Variants in CFAP43 observed in about 807,000 individuals in gnomAD.
CFAP43 encodes the protein cilia and flagella associated protein 43, also known as cilia- and flagella-associated protein 43.
CFAP43 carries 155 observed loss-of-function variants against 218.9 expected under a neutral mutation model. That is an observed-to-expected ratio of 0.71 (90% CI 0.62 to 0.81). The LOEUF is 0.81. CFAP43 is among the 30% of genes least tolerant of loss of function. The pLI is 0.00. For missense variants in CFAP43, 1,778 were observed against 1,954.3 expected (o/e 0.91, Z 1.70); for synonymous variants, 645 against 681.3 (o/e 0.95, Z 0.83).
At chr10:104,179,155 CAGAGAGAG>C (rs60561340) in intron 18 of CFAP43, 49 bp from the exon 19 acceptor site, 340 of 1,066,018 alleles carry the variant, frequency 3.2e-4, no homozygotes, top group Non-Finnish European at 3.9e-4. Context: ...AAATATCAGA[CAGAGAGAG>C]AGAGAGAGAG....
At chr10:104,145,009 A>G (rs1389467060) in intron 31 of CFAP43, among the ~76,000 whole-genome samples, 1 of 152,224 alleles carries the variant, frequency 6.6e-6, no homozygotes, top group African/African-American at 2.4e-5. Flanking sequence ...GGCCAATAAT[A>G]CATTCTGCAG....
chr10:104,216,989 C>G lies in CFAP43; in HGVS notation c.417-2563G>C, dbSNP rs191778868. Among the ~76,000 whole-genome samples the G allele has an allele frequency of 4.7e-4, 71 of 152,348 alleles. 1 individual carries two copies. Among genetic ancestry groups the G allele is most frequent in the Non-Finnish European group, 9.4e-4 (64 of 68,032 alleles). Reference sequence around the variant, plus strand: ...CATTGATATTCCTCAAGGTTCCACCCTAGGCTCTTCTTGAGGTGTTCTTAC... The same window carrying G: ...CATTGATATTCCTCAAGGTTCCACCGTAGGCTCTTCTTGAGGTGTTCTTAC... On this transcript the variant is annotated intron_variant, in intron 3 of 37. Transcript: ENST00000357060.
At position 104,187,641 on chromosome 10, in the gene CFAP43, A is replaced by G. The variant is rs1589736168; in HGVS notation, c.1688-149T>C. On this transcript the variant is annotated intron_variant, in intron 13 of 37. Transcript: ENST00000357060. ...AGTAGGTGATAAAAATGATTTAAAA[A>G]CACTTGTCTCCCTAGAAATACTTGA... is the stretch of plus-strand genomic sequence containing the variant. 4.7e-6 allele frequency: 3 copies of G among 633,830 alleles called. No homozygotes were observed. The East Asian group carries it at 9.5e-5, about 20-fold the overall frequency. The allele number at this position is 633,830 out of a possible 1,614,324, so 39.3% of individuals were successfully genotyped here. A position where few individuals can be genotyped will look rare whatever the true frequency, so the allele number is the denominator to read the frequency against.
At chr10:104,180,238 A>G (rs1421796232) in intron 17 of CFAP43, among the ~76,000 whole-genome samples, 2 of 152,152 alleles carry the variant, frequency 1.3e-5, no homozygotes, top group African/African-American at 4.8e-5. Context: ...GGCCTGTGCC[A>G]CCATCTATGC....
chr10:104,191,989 T>G (rs891920444), intron 12 of CFAP43, among the ~76,000 whole-genome samples: 8 of 152,190 alleles, frequency 5.3e-5, no homozygotes, highest in African/African-American at 9.7e-5. Flanking sequence ...TAGCACCAAC[T>G]ATGTACCAAG....
rs766429215 is a variant in CFAP43, at chr10:104,133,705, T to A, written c.4511A>T (p.His1504Leu). ...HKRILQIEWE[H>L]KKMEMEREDL... is the part of the protein sequence containing the mutation. Reference sequence around the variant, plus strand: ...TTCCCTTTCCATCTCCATTTTCTTATGTTCCCACTCAATCTGAAGTATTCT... The same window carrying A: ...TTCCCTTTCCATCTCCATTTTCTTAAGTTCCCACTCAATCTGAAGTATTCT... Residue 1504 changes from histidine (H) to leucine (L), a missense_variant, in exon 35 of 38, where the codon CAT (histidine) becomes CTT (leucine). Around this residue, in one of 3 missense-constraint regions of CFAP43, gnomAD observed 211 missense variants for 230.6 expected, o/e 0.91. Transcript: ENST00000357060. 1 of 1,613,898 alleles carries A rather than the reference T, an allele frequency of 6.2e-7. No individual in the cohort carries two copies. The highest frequency in any genetic ancestry group is 8.5e-7 in the Non-Finnish European group (1 of 1,179,900).
intron 12 of CFAP43, among the ~76,000 whole-genome samples, chr10:104,191,749 A>T (rs1467391958): frequency 1.3e-5 from 2 of 148,784 alleles, no homozygotes; most frequent in African/African-American, 5.0e-5. Flanking sequence ...AGCAAAAAAA[A>T]AATTTTTTTT....
chr10:104,160,579 A>G lies in CFAP43; in HGVS notation c.3540+458T>C, dbSNP rs929360011. 6.6e-4 allele frequency among the ~76,000 whole-genome samples: 100 copies of G among 152,194 alleles called. 4 individuals are homozygous for G. Among genetic ancestry groups the G allele is most frequent in the Non-Finnish European group, 7.3e-5 (5 of 68,030 alleles). On this transcript the variant is annotated intron_variant, in intron 27 of 37. Transcript: ENST00000357060. ...AAAGTAGCAGAACTGCACTGTAAAA[A>G]CCTTGAATTTGAGTTGTAAATAATG...
chr10:104,201,163 T>A (rs1034305292), intron 8 of CFAP43, among the ~76,000 whole-genome samples: 2 of 152,218 alleles, frequency 1.3e-5, no homozygotes, highest in Non-Finnish European at 2.9e-5. Context: ...ATACATATTT[T>A]AAGTATTCAT....
chr10:104,162,334 G>A lies in CFAP43; in HGVS notation c.3316C>T (p.His1106Tyr). The change falls in exon 25 of 38, where the codon CAC becomes TAC. Residue 1106 changes from histidine (H) to tyrosine (Y), a missense_variant. His to Tyr is a moderately conservative substitution (Grantham distance 83). Around this residue, in one of 3 missense-constraint regions of CFAP43, gnomAD observed 1,553 missense variants for 1,685.2 expected, o/e 0.92. Coordinates refer to ENST00000357060, the MANE Select transcript of CFAP43 (RefSeq NM_025145.7). The part of the protein sequence containing the change: ...KELIVNHEKE[H>Y]WLLIQDASTR... ...CTACATGCCTGTATCAGAAGCCAGT[G>A]CTCCTTTTCATGATTCACGATCAAT... 6.2e-7 allele frequency: 1 copy of A among 1,614,062 alleles called. No homozygotes were observed. The highest frequency in any genetic ancestry group is 8.5e-7 in the Non-Finnish European group (1 of 1,179,912).
intron 17 of CFAP43, among the ~76,000 whole-genome samples, chr10:104,181,674 C>T (rs1440946204): frequency 6.6e-6 from 1 of 152,164 alleles, no homozygotes; most frequent in Non-Finnish European, 1.5e-5. Flanking sequence ...ATACCACACG[C>T]CAAGCTCTTT....
At chr10:104,184,851 C>T (rs2089979446) in intron 16 of CFAP43, 165 bp downstream of exon 16, 3 of 766,488 alleles carry the variant, frequency 3.9e-6, no homozygotes, top group South Asian at 5.9e-5. Context: ...ATGTGGTACC[C>T]GAGAATGCAG....
chr10:104,139,199 A>C (rs183758926), intron 34 of CFAP43, among the ~76,000 whole-genome samples: 4 of 152,372 alleles, frequency 2.6e-5, no homozygotes, highest in Admixed American at 2.6e-4. Flanking sequence ...AGAGTGAAAA[A>C]CAATGAGTAT....
At chr10:104,183,398 T>G (rs1195318088) in intron 16 of CFAP43, among the ~76,000 whole-genome samples, 1 of 151,742 alleles carries the variant, frequency 6.6e-6, no homozygotes, top group East Asian at 1.9e-4. Flanking sequence ...TTTTTTTTTT[T>G]TTGAGACGGA....
At chr10:104,198,549 G>A (rs2090441283) in intron 8 of CFAP43, among the ~76,000 whole-genome samples, 2 of 152,110 alleles carry the variant, frequency 1.3e-5, no homozygotes, top group African/African-American at 4.8e-5. Context: ...CCAAAGTGCT[G>A]GTATGACAGG....
chr10:104,181,214 A>C (rs972473330), intron 17 of CFAP43, among the ~76,000 whole-genome samples: 1 of 152,126 alleles, frequency 6.6e-6, no homozygotes, highest in African/African-American at 2.4e-5. Flanking sequence ...TAAATGTTCA[A>C]GTAAAACAAT....
At chr10:104,183,475 C>T (rs1231872479) in intron 16 of CFAP43, among the ~76,000 whole-genome samples, 16 of 151,706 alleles carry the variant, frequency 1.1e-4, no homozygotes, top group African/African-American at 2.9e-4. Flanking sequence ...CTGCAAGCTC[C>T]GCTTCCCGGG....
Position 104,133,733 on chromosome 10 carries a change from T to C in CFAP43, c.4483A>G (p.Lys1495Glu). 6.2e-7 allele frequency: 1 copy of C among 1,613,602 alleles called. No homozygotes were observed. The highest frequency in any genetic ancestry group is 8.5e-7 in the Non-Finnish European group (1 of 1,179,826). ...ASMMESKDVHKRILQIEWEHK... is the reference protein window; with the variant it reads ...ASMMESKDVHERILQIEWEHK... ...TCCCACTCAATCTGAAGTATTCTTT[T>C]GTGTACATCTTTACTTTCCATCATG... is the stretch of plus-strand genomic sequence containing the variant. The change falls in exon 35 of 38, where the codon AAA becomes GAA. Residue 1495 changes from lysine to glutamate, a missense_variant. By Grantham distance (56) the Lys-to-Glu change is moderately conservative. This residue lies in a region of CFAP43 where 211 missense variants were observed against 230.6 expected (regional missense o/e 0.91). Transcript: ENST00000357060.
chr10:104,194,937 G>A (rs939346856), intron 10 of CFAP43, among the ~76,000 whole-genome samples: 2 of 152,204 alleles, frequency 1.3e-5, no homozygotes, highest in African/African-American at 4.8e-5. Context: ...TCCCAATTGA[G>A]TGGGCTTTTT....
Sources: allele counts gnomAD v4.1 joint callset (sites outside exome capture counted in the v4.1 genomes callset), GRCh38; gene constraint gnomAD v4.1.1; regional missense constraint gnomAD v4.1.1; transcripts MANE v1.5; gene names NCBI Gene and HGNC (gene_info 2026-07-23, HGNC 2026-07-21).